CA10: variants seen among roughly 807,000 people sequenced by gnomAD.
CA10 encodes the protein carbonic anhydrase-related protein 10.
A neutral mutation model predicts 44.2 loss-of-function variants in CA10; 14 were observed. The ratio of observed to expected loss-of-function variants is 0.32; its 90% confidence interval spans 0.21 to 0.50. The LOEUF (loss-of-function observed/expected upper bound fraction) is 0.50, where lower values mean the gene tolerates loss of function less well. CA10 is among the 20% of genes least tolerant of loss of function. The pLI, the probability that CA10 is intolerant of heterozygous loss-of-function variation, is 0.99. For missense variants in CA10, 350 were observed against 409.7 expected (o/e 0.85, Z 1.26); for synonymous variants, 159 against 141.6 (o/e 1.12, Z -0.87).
intron 2 of CA10, among the ~76,000 whole-genome samples, chr17:51,951,944 G>C (rs1187890369): frequency 6.6e-6 from 1 of 152,068 alleles, no homozygotes; most frequent in East Asian, 1.9e-4. Context: ...GCTCATCTCT[G>C]GCTATATATA....
chr17:52,090,955 C>G (rs1384695525), intron 1 of CA10, among the ~76,000 whole-genome samples: 1 of 152,174 alleles, frequency 6.6e-6, no homozygotes, highest in Non-Finnish European at 1.5e-5. Flanking sequence ...TGACTACACA[C>G]TCTTTTTAGT....
At chr17:52,155,350 T>TTAAAACTG (rs1253878004) in intron 1 of CA10, among the ~76,000 whole-genome samples, 1 of 152,246 alleles carries the variant, frequency 6.6e-6, no homozygotes, top group East Asian at 1.9e-4. Flanking sequence ...CATGAGTAAA[T>TTAAAACTG]TAAAACTGCA....
chr17:52,063,200 C>T (rs1987438058), intron 2 of CA10, among the ~76,000 whole-genome samples: 1 of 152,194 alleles, frequency 6.6e-6, no homozygotes, highest in Non-Finnish European at 1.5e-5. Flanking sequence ...TACCTAATGC[C>T]TATACAAACA....
intron 4 of CA10, among the ~76,000 whole-genome samples, chr17:51,742,384 C>G (rs1268533266): frequency 6.6e-6 from 1 of 152,198 alleles, no homozygotes. Flanking sequence ...TGCCTGAGCA[C>G]TCCTCACAAG....
intron 3 of CA10, among the ~76,000 whole-genome samples, chr17:51,794,177 A>G (rs1190738122): frequency 6.6e-6 from 1 of 152,226 alleles, no homozygotes; most frequent in Non-Finnish European, 1.5e-5. Context: ...TGAATATCAC[A>G]AGAGGGAAAG....
intron 3 of CA10, among the ~76,000 whole-genome samples, chr17:51,805,146 G>A (rs1296434116): frequency 1.3e-5 from 2 of 152,148 alleles, no homozygotes; most frequent in Non-Finnish European, 2.9e-5. Flanking sequence ...TTCCAGCTAC[G>A]TTTGCCACTC....
At chr17:51,633,682 C>CCCG in intron 7 of CA10, 32 bp from the exon 8 acceptor site, 1 of 1,606,538 alleles carries the variant, frequency 6.2e-7, no homozygotes, top group Admixed American at 1.7e-5. Context: ...TGAGATCCAA[C>CCCG]CATCCTCTTA....
chr17:51,918,820 C>T (rs912823239), intron 3 of CA10, among the ~76,000 whole-genome samples: 13 of 152,142 alleles, frequency 8.5e-5, no homozygotes, highest in Admixed American at 2.0e-4. Flanking sequence ...TAGCATACTA[C>T]AGAGCAAGGA....
chr17:51,898,087 G>T (rs1002820128), intron 3 of CA10, among the ~76,000 whole-genome samples: 1 of 152,008 alleles, frequency 6.6e-6, no homozygotes, highest in Non-Finnish European at 1.5e-5. Flanking sequence ...CTCTAGCTGG[G>T]ACTTCCAGTA....
intron 2 of CA10, among the ~76,000 whole-genome samples, chr17:52,018,959 G>T (rs893608985): frequency 1.3e-5 from 2 of 151,958 alleles, no homozygotes; most frequent in Non-Finnish European, 2.9e-5. Flanking sequence ...ATATCTGGTT[G>T]TTTAAAAGAG....
chr17:51,991,435 C>T (rs941015754), intron 2 of CA10, among the ~76,000 whole-genome samples: 1 of 152,118 alleles, frequency 6.6e-6, no homozygotes, highest in Admixed American at 6.6e-5. Context: ...TCATCAACAT[C>T]CTAGGACAGG....
intron 2 of CA10, among the ~76,000 whole-genome samples, chr17:52,068,884 G>A (rs1338773560): frequency 6.6e-6 from 1 of 152,168 alleles, no homozygotes; most frequent in African/African-American, 2.4e-5. Context: ...TCCTGAGAAA[G>A]AGAATCAACA....
At chr17:51,853,781 A>T (rs1978911062) in intron 3 of CA10, among the ~76,000 whole-genome samples, 1 of 151,896 alleles carries the variant, frequency 6.6e-6, no homozygotes, top group South Asian at 2.1e-4. Flanking sequence ...ATGAGATCTG[A>T]TGGTTTTATA....
chr17:51,958,477 A>G (rs1006668439), intron 2 of CA10, among the ~76,000 whole-genome samples: 4 of 152,202 alleles, frequency 2.6e-5, no homozygotes, highest in Admixed American at 2.0e-4. Context: ...TGCTTTTATT[A>G]AAGTAAATAA....
In CA10 at chr17:51,738,703, G is replaced by C. The variant is rs540950852; in HGVS notation, c.465+8930C>G. On this transcript the variant is annotated intron_variant, in intron 4 of 8. Transcript: ENST00000451037. ...CTCCCAATGTCTTTGCTGTTTTGAG[G>C]CTGACTCTATAGATGCCCTTGCGAT... Among the ~76,000 whole-genome samples the C allele has an allele frequency of 7.2e-5, 11 of 152,222 alleles. No individual in the cohort carries two copies. In the South Asian group the frequency reaches 2.1e-3, roughly 29 times the overall value.
Position 52,121,679 on chromosome 17 carries a change from T to TAC in CA10, c.61+36045_61+36046dup, listed in dbSNP as rs10567649. On this transcript the variant is annotated intron_variant, in intron 1 of 8. Transcript: ENST00000451037. Reference sequence around the variant, plus strand: ...ATCTCTAAACACACACACACACAGATACACACACACACACACACACACACC... The same window carrying TAC: ...ATCTCTAAACACACACACACACAGATACACACACACACACACACACACACACC... Among the ~76,000 whole-genome samples, 603 of 149,934 alleles carry TAC rather than the reference T, an allele frequency of 4.0e-3. 5 individuals carry two copies. Among genetic ancestry groups the TAC allele is most frequent in the South Asian group, 0.029 (137 of 4,692 alleles).
At chr17:52,110,798 T>C (rs552457199) in intron 1 of CA10, among the ~76,000 whole-genome samples, 11 of 152,192 alleles carry the variant, frequency 7.2e-5, no homozygotes, top group Non-Finnish European at 1.5e-4. Context: ...CCTTCCTTTG[T>C]GGGCACAGAA....
chr17:51,659,547 G>T (rs552233249), intron 4 of CA10, among the ~76,000 whole-genome samples: 1 of 152,242 alleles, frequency 6.6e-6, no homozygotes, highest in Non-Finnish European at 1.5e-5. Context: ...AAATGGGATG[G>T]GTACCGGGTG....
At chr17:51,643,194 C>T (rs1264338645) in intron 6 of CA10, among the ~76,000 whole-genome samples, 1 of 152,080 alleles carries the variant, frequency 6.6e-6, no homozygotes, top group African/African-American at 2.4e-5. Context: ...AAAAATAATG[C>T]TGGCTTAATG....
Sources: gnomAD v4.1 joint callset for allele counts (sites outside exome capture counted in the v4.1 genomes callset) on GRCh38, gnomAD v4.1.1 for gene constraint, MANE v1.5 for transcripts, NCBI Gene and HGNC (gene_info 2026-07-23, HGNC 2026-07-21) for gene names.